ZNF500: variants seen among roughly 807,000 people sequenced by gnomAD.
The protein encoded by ZNF500 is zinc finger protein with KRAB and SCAN domains 18.
In ZNF500, 31 loss-of-function variants were observed where a neutral mutation model predicts 30.1. The ratio of observed to expected loss-of-function variants is 1.03; its 90% CI spans 0.77 to 1.39. The LOEUF (loss-of-function observed/expected upper bound fraction) is 1.39, where lower values mean the gene tolerates loss of function less well. Ranked by LOEUF, ZNF500 falls within the 40% of genes most tolerant of loss-of-function variation. ZNF500 has a pLI of 0.00. For missense variants in ZNF500, 817 were observed against 657.8 expected, an observed-to-expected ratio of 1.24 and a Z score of -2.65; for synonymous variants, 392 against 282.0, an observed-to-expected ratio of 1.39 and a Z score of -3.91.
In ZNF500 at chr16:4,765,900, C is replaced by A. The variant is rs1349304373; in HGVS notation, c.79G>T (p.Val27Leu). ...TCTTCCAAGCAGAAGTCCTCCTCCA[C>A]CTTCACAATCAGGATCTCTTCCTGT... ...LEQEEILIVK[V>L]EEDFCLEEEP... Residue 27 changes from valine (V) to leucine (L), a missense_variant, in exon 2 of 6, where the codon GTG (valine) becomes TTG (leucine). Physicochemically the swap from Val to Leu is conservative, Grantham distance 32. Transcript: ENST00000219478. 6.2e-7 allele frequency: 1 copy of A among 1,612,930 alleles called. No individual in the cohort carries two copies.
downstream of ZNF500, among the ~76,000 whole-genome samples, chr16:4,745,558 T>C (rs2082004349): frequency 2.0e-5 from 3 of 152,330 alleles, no homozygotes; most frequent in Middle Eastern, 3.4e-3. Flanking sequence ...CCCCACACTT[T>C]GGTTGCTCCG....
Position 4,751,250 on chromosome 16 carries a change from T to A in ZNF500, c.*1126A>T, listed in dbSNP as rs2082074597. The A allele has an allele frequency of 3.5e-6, 1 of 282,988 alleles. No individual in the cohort carries two copies. Among genetic ancestry groups the A allele is most frequent in the South Asian group, 4.5e-5 (1 of 22,202 alleles). The allele number at this position is 282,988 out of a possible 1,614,324, so 17.5% of individuals were successfully genotyped here. On this transcript the variant is annotated 3_prime_UTR_variant, in exon 6 of 6. Transcript: ENST00000219478. ...CCGTGGATGTGCACAGACCAGTGGC[T>A]CCCACGCAGCACAGGCCAGACAAAA...
intron 2 of ZNF500, chr16:4,764,179 G>C: frequency 1.3e-6 from 1 of 755,844 alleles, no homozygotes; most frequent in Non-Finnish European, 1.6e-6. Context: ...CTGGCCATGT[G>C]TGACGACTGA....
chr16:4,761,551 TA>T (rs2018053435), intron 4 of ZNF500, among the ~76,000 whole-genome samples: 1 of 116,524 alleles, frequency 8.6e-6, no homozygotes, highest in South Asian at 2.8e-4. Context: ...AATAAATAAA[TA>T]AAAATAAAAC....
At chr16:4,744,913 G>A (rs1227654785), downstream of ZNF500, 1 of 1,613,840 alleles carries the variant, frequency 6.2e-7, no homozygotes, top group Middle Eastern at 1.7e-4. Flanking sequence ...TGGAACAGCT[G>A]GCCCTCCTGT....
In ZNF500 at chr16:4,752,673, C is replaced by T. The variant is rs767069168; in HGVS notation, c.1146G>A (p.Pro382=). Residue 382 remains proline (P), a synonymous_variant, in exon 6 of 6, where the codon CCG becomes CCA. Transcript: ENST00000219478. ...QRVHTGEKPY[P]CPECGKRFSQ... ...TGAAGCGCTTCCCACACTCGGGGCA[C>T]GGGTAGGGCTTCTCGCCTGTGTGCA... 4.4e-5 allele frequency: 71 copies of T among 1,613,748 alleles called. No individual in the cohort carries two copies. The East Asian group carries it at 5.8e-4, about 13-fold the overall frequency.
rs761909478 is a variant in ZNF500 at position 4,762,772 on chromosome 16, G to C, written c.415-16C>G. ...GCTCTGAGCCCTGCACACAGACAGT[G>C]ATCTCCCCACCAGCTCCCAGAAGGC... On this transcript the variant is annotated splice_polypyrimidine_tract_variant and intron_variant, in intron 2 of 5. Transcript: ENST00000219478. 3 of 1,574,612 alleles carry C rather than the reference G, an allele frequency of 1.9e-6. No homozygotes were observed. In the East Asian group the frequency reaches 6.8e-5, roughly 36 times the overall value.
rs921864 is a variant in ZNF500 at position 4,751,841 on chromosome 16, G to C, written c.*535C>G. On this transcript the variant is annotated 3_prime_UTR_variant, in exon 6 of 6. Transcript: ENST00000219478. ...GAGGAACACTTGAGCCCAGGGATTCGAGGCTGCAGTGAGCTATGATCATGG... is the reference window on the plus strand; with the variant it reads ...GAGGAACACTTGAGCCCAGGGATTCCAGGCTGCAGTGAGCTATGATCATGG... 1.8e-6 allele frequency: 1 copy of C among 559,602 alleles called. No individual in the cohort carries two copies. The highest frequency in any genetic ancestry group is 2.0e-5 in the African/African-American group (1 of 50,552). 34.7% of individuals were successfully genotyped at this position (559,602 alleles called of 1,614,324 possible). A position where few individuals can be genotyped will look rare whatever the true frequency, so the allele number is the denominator to read the frequency against.
intron 5 of ZNF500, chr16:4,756,507 G>C (rs2082136342): frequency 6.6e-6 from 1 of 151,058 alleles, no homozygotes; most frequent in Non-Finnish European, 1.5e-5. Flanking sequence ...AAATGTTTTT[G>C]AGCCCGGGTA....
chr16:4,759,433 T>C (rs1421881111), intron 5 of ZNF500, among the ~76,000 whole-genome samples: 3 of 152,100 alleles, frequency 2.0e-5, no homozygotes, highest in Non-Finnish European at 2.9e-5. Flanking sequence ...TGATCAGAGA[T>C]ACACTTGTAC....
At chr16:4,747,403 C>A, downstream of ZNF500, 1 of 1,612,652 alleles carries the variant, frequency 6.2e-7, no homozygotes, top group Non-Finnish European at 8.5e-7. Context: ...AGGGGACAGC[C>A]CAGCCCGAGC....
In ZNF500 at chr16:4,766,023, C is replaced by G. The variant is rs180974383; in HGVS notation, c.-45G>C. ...TCCTTTTCAGGCCTTAGAGTTGAAC[C>G]TGTCTCTCTCTATACCTCTGGCCAG... On this transcript the variant is annotated 5_prime_UTR_variant, in exon 2 of 6. Coordinates refer to ENST00000219478, the MANE Select transcript of ZNF500 (RefSeq NM_021646.4). 1 of 1,509,882 alleles carries G rather than the reference C, an allele frequency of 6.6e-7. No individual in the cohort carries two copies. Among genetic ancestry groups the G allele is most frequent in the Non-Finnish European group, 8.8e-7 (1 of 1,136,892 alleles). The allele number at this position is 1,509,882 out of a possible 1,614,324, so 93.5% of individuals were successfully genotyped here.
chr16:4,746,607 C>T, downstream of ZNF500: 3 of 1,418,776 alleles, frequency 2.1e-6, no homozygotes, highest in South Asian at 1.4e-5. Context: ...TGGGGAGGAA[C>T]AGGGACTTCA....
chr16:4,762,266 C>T lies in ZNF500; in HGVS notation c.663+5G>A. The T allele has an allele frequency of 6.2e-7, 1 of 1,611,056 alleles. No individual in the cohort carries two copies. The highest frequency in any genetic ancestry group is 2.2e-5 in the East Asian group (1 of 44,726). ...GATGCTGCAGACCAGGAGCATCCCA[C>T]TCACCTGGGACCAGGCCGAAAGGAA... On this transcript the variant is annotated splice_donor_5th_base_variant and intron_variant, in intron 4 of 5. Transcript: ENST00000219478.
chr16:4,760,644 C>A, intron 4 of ZNF500, 56 bp from the exon 5 acceptor site: 1 of 1,512,954 alleles, frequency 6.6e-7, no homozygotes, highest in Non-Finnish European at 9.1e-7. Flanking sequence ...TCCTCCCCAA[C>A]TAAGGCCACT....
In ZNF500 at chr16:4,766,055, G is replaced by C; in HGVS notation, c.-77C>G. On this transcript the variant is annotated 5_prime_UTR_variant, in exon 2 of 6. Transcript: ENST00000219478. Reference sequence around the variant, plus strand: ...TCTCTATACCTCTGGCCAGACACAGGAAGAGAGTTTTTTTCAGGGCCCTGT... The same window carrying C: ...TCTCTATACCTCTGGCCAGACACAGCAAGAGAGTTTTTTTCAGGGCCCTGT... 1 of 1,479,056 alleles carries C rather than the reference G, an allele frequency of 6.8e-7. No individual in the cohort carries two copies. The highest frequency in any genetic ancestry group is 8.9e-7 in the Non-Finnish European group (1 of 1,118,294). The allele number at this position is 1,479,056 out of a possible 1,614,324, so 91.6% of individuals were successfully genotyped here.
chr16:4,751,238 C>T lies in ZNF500; in HGVS notation c.*1138G>A, dbSNP rs1356802003. ...GCCACTCACCCACCGTGGATGTGCACAGACCAGTGGCTCCCACGCAGCACA... is the reference window on the plus strand; with the variant it reads ...GCCACTCACCCACCGTGGATGTGCATAGACCAGTGGCTCCCACGCAGCACA... On this transcript the variant is annotated 3_prime_UTR_variant, in exon 6 of 6. Transcript: ENST00000219478. 4 of 256,926 alleles carry T rather than the reference C, an allele frequency of 1.6e-5. No homozygotes were observed. The highest frequency in any genetic ancestry group is 3.0e-5 in the Non-Finnish European group (4 of 133,190). The allele number at this position is 256,926 out of a possible 1,614,324, so 15.9% of individuals were successfully genotyped here. A position where few individuals can be genotyped will look rare whatever the true frequency, so the allele number is the denominator to read the frequency against.
chr16:4,746,306 C>G (rs2082016899), downstream of ZNF500: 6 of 1,499,642 alleles, frequency 4.0e-6, no homozygotes, highest in South Asian at 6.3e-5. Flanking sequence ...TGTGACTGGA[C>G]AAACCCAGCG....
chr16:4,762,918 C>A, intron 2 of ZNF500, 162 bp from the exon 3 acceptor site: 1 of 985,372 alleles, frequency 1.0e-6, no homozygotes, highest in African/African-American at 1.7e-5. Context: ...GTGTTCCCTG[C>A]AGCCAGCTCC....
Sources: allele counts gnomAD v4.1 joint callset (sites outside exome capture counted in the v4.1 genomes callset), GRCh38; gene constraint gnomAD v4.1.1; transcripts MANE v1.5; gene names NCBI Gene and HGNC (gene_info 2026-07-23, HGNC 2026-07-21).